CLDN10: variants seen among roughly 807,000 people sequenced by gnomAD.
CLDN10 encodes the protein claudin 10.
CLDN10 carries 15 observed loss-of-function variants against 22.9 expected under a neutral mutation model. The observed-to-expected ratio is 0.65, with a 90% CI of 0.44 to 1.01. The LOEUF is 1.01. CLDN10 is among the 50% of genes least tolerant of loss of function. CLDN10 has a pLI of 0.00. For synonymous variants in CLDN10, 114 were observed against 111.4 expected (o/e 1.02, Z -0.15); for missense variants, 247 against 287.8 (o/e 0.86, Z 1.03).
chr13:95,534,416 T>C (rs1423855906), intron 1 of CLDN10, among the ~76,000 whole-genome samples: 6 of 152,208 alleles, frequency 3.9e-5, no homozygotes, highest in Admixed American at 1.3e-4. Context: ...GTAAGGGATA[T>C]TGTGGGTCAT....
At chr13:95,549,028 C>A (rs1375013812), upstream of CLDN10, among the ~76,000 whole-genome samples, 2 of 152,154 alleles carry the variant, frequency 1.3e-5, no homozygotes, top group African/African-American at 2.4e-5. Context: ...TCTTTAATAA[C>A]CATAATAAGC....
chr13:95,568,367 T>G (rs1448193108), intron 3 of CLDN10, among the ~76,000 whole-genome samples: 1 of 152,216 alleles, frequency 6.6e-6, no homozygotes, highest in African/African-American at 2.4e-5. Flanking sequence ...GCTTTTGTTA[T>G]GCTAGCATGA....
At chr13:95,513,239 G>A (rs1469621065) in intron 1 of CLDN10, among the ~76,000 whole-genome samples, 1 of 152,184 alleles carries the variant, frequency 6.6e-6, no homozygotes, top group Non-Finnish European at 1.5e-5. Flanking sequence ...ATGGCCCTTA[G>A]AATCCATAGT....
upstream of CLDN10, chr13:95,552,554 G>T (rs2277421): frequency 4.0e-6 from 1 of 249,920 alleles, no homozygotes; most frequent in African/African-American, 2.3e-5. Context: ...GGGCGACCGC[G>T]AGCCCTCTGA....
At chr13:95,440,265 A>G (rs1377910209) in intron 1 of CLDN10, among the ~76,000 whole-genome samples, 2 of 152,220 alleles carry the variant, frequency 1.3e-5, no homozygotes, top group East Asian at 1.9e-4. Flanking sequence ...TTACCTTTCC[A>G]TTCTCTAAGA....
At chr13:95,477,761 C>T (rs952220449) in intron 1 of CLDN10, among the ~76,000 whole-genome samples, 5 of 152,244 alleles carry the variant, frequency 3.3e-5, no homozygotes, top group South Asian at 4.1e-4. Context: ...CCAGACTGAA[C>T]GAATCTGAAT....
intron 1 of CLDN10, among the ~76,000 whole-genome samples, chr13:95,496,476 G>A (rs1231661460): frequency 6.6e-6 from 1 of 152,190 alleles, no homozygotes; most frequent in Non-Finnish European, 1.5e-5. Flanking sequence ...ACTACCCCTT[G>A]TCTTACTGTG....
chr13:95,443,498 G>C (rs933625043), intron 1 of CLDN10, among the ~76,000 whole-genome samples: 5 of 152,310 alleles, frequency 3.3e-5, no homozygotes, highest in Admixed American at 2.6e-4. Context: ...GGGAGACATG[G>C]CATGGCACGC....
At chr13:95,477,989 T>C (rs72649670) in intron 1 of CLDN10, among the ~76,000 whole-genome samples, 241 of 152,196 alleles carry the variant, frequency 1.6e-3, no homozygotes, top group Non-Finnish European at 2.8e-3. Flanking sequence ...TGGCTGCAAA[T>C]TGGAATCACC....
At chr13:95,457,672 C>G (rs552463862) in intron 1 of CLDN10, among the ~76,000 whole-genome samples, 2 of 152,078 alleles carry the variant, frequency 1.3e-5, no homozygotes, top group East Asian at 3.9e-4. Flanking sequence ...GGGGATGCCA[C>G]TAGCCTGGCA....
intron 1 of CLDN10, among the ~76,000 whole-genome samples, chr13:95,504,365 C>T (rs1364275372): frequency 6.6e-6 from 1 of 152,060 alleles, no homozygotes; most frequent in East Asian, 1.9e-4. Flanking sequence ...TTACATATTC[C>T]TTAATTTTTT....
intron 1 of CLDN10, among the ~76,000 whole-genome samples, chr13:95,504,991 C>T (rs1387026487): frequency 6.6e-6 from 1 of 152,188 alleles, no homozygotes; most frequent in Non-Finnish European, 1.5e-5. Context: ...TGCTCTTCCC[C>T]CAACTCAAGA....
chr13:95,484,688 CAAAA>C (rs144818972), intron 1 of CLDN10, among the ~76,000 whole-genome samples: 80,367 of 124,462 alleles, frequency 0.65, 24,558 homozygotes, highest in African/African-American at 0.79. Context: ...ACTAAAAATA[CAAAA>C]AAAAAAAAAA....
chr13:95,488,286 C>T (rs1304807753), intron 1 of CLDN10, among the ~76,000 whole-genome samples: 3 of 151,526 alleles, frequency 2.0e-5, no homozygotes, highest in Non-Finnish European at 2.9e-5. Flanking sequence ...GAAGTATCCA[C>T]CCACCTCGGC....
chr13:95,495,601 G>A (rs1307821784), intron 1 of CLDN10, among the ~76,000 whole-genome samples: 7 of 151,478 alleles, frequency 4.6e-5, no homozygotes, highest in South Asian at 2.1e-4. Context: ...AAATTTAGCC[G>A]GGCATAGTGG....
intron 1 of CLDN10, among the ~76,000 whole-genome samples, chr13:95,473,760 G>A (rs936571848): frequency 1.3e-5 from 2 of 152,168 alleles, no homozygotes; most frequent in Non-Finnish European, 2.9e-5. Context: ...CTATGCTGCT[G>A]GTTCAGGGAC....
rs1175097566 is a variant in CLDN10 at position 95,578,653 on chromosome 13, T to C, written c.*639T>C. 6.6e-6 allele frequency: 1 copy of C among 152,264 alleles called. No individual in the cohort carries two copies. The highest frequency in any genetic ancestry group is 2.4e-5 in the African/African-American group (1 of 41,458). The allele number at this position is 152,264 out of a possible 1,614,324, so 9.4% of individuals were successfully genotyped here. The stretch of plus-strand genomic sequence containing the variant: ...ATGCCCATGGCCACTCAGTAGATTG[T>C]TGAAAAAGCAAAGCCACACCATTCT... On this transcript the variant is annotated 3_prime_UTR_variant, in exon 5 of 5. Transcript: ENST00000299339.
chr13:95,570,872 A>G (rs1187096762), intron 3 of CLDN10, among the ~76,000 whole-genome samples: 2 of 146,672 alleles, frequency 1.4e-5, no homozygotes, highest in South Asian at 2.1e-4. Context: ...ATATATATAT[A>G]TATATATATA....
chr13:95,460,595 G>T (rs1464188761), intron 1 of CLDN10, among the ~76,000 whole-genome samples: 1 of 152,160 alleles, frequency 6.6e-6, no homozygotes, highest in Non-Finnish European at 1.5e-5. Flanking sequence ...CCACCCCCAT[G>T]ATTCAATTAT....
Sources: allele counts gnomAD v4.1 joint callset (sites outside exome capture counted in the v4.1 genomes callset), GRCh38; gene constraint gnomAD v4.1.1; transcripts MANE v1.5; gene names NCBI Gene and HGNC (gene_info 2026-07-23, HGNC 2026-07-21).